KIAA1217: variants seen among roughly 807,000 people sequenced by gnomAD.
KIAA1217 encodes KIAA1217, also known as sickle tail protein homolog.
In KIAA1217, 88 loss-of-function variants were observed where a neutral mutation model predicts 163.9. The observed-to-expected ratio is 0.54, with a 90% CI of 0.45 to 0.64. The LOEUF (loss-of-function observed/expected upper bound fraction) is 0.64, where lower values mean the gene tolerates loss of function less well. Among genes scored for constraint, KIAA1217 ranks in the 30% least tolerant of loss-of-function variants. KIAA1217 has a pLI of 0.00. For synonymous variants in KIAA1217, 903 were observed against 923.1 expected (o/e 0.98, Z 0.39); for missense variants, 2,372 against 2,475.0 (o/e 0.96, Z 0.88).
chr10:24,383,652 A>G (rs2053617241), intron 3 of KIAA1217, among the ~76,000 whole-genome samples: 1 of 152,202 alleles, frequency 6.6e-6, no homozygotes, highest in South Asian at 2.1e-4. Context: ...GCCATTTTTC[A>G]CTACTCCTGG....
intron 1 of KIAA1217, among the ~76,000 whole-genome samples, chr10:23,868,209 C>A (rs1459119906): frequency 6.6e-6 from 1 of 152,004 alleles, no homozygotes; most frequent in East Asian, 1.9e-4. Context: ...CTTTTTACCC[C>A]TTCTCAACCC....
At chr10:24,312,956 G>A (rs200350921) in intron 2 of KIAA1217, among the ~76,000 whole-genome samples, 3 of 152,038 alleles carry the variant, frequency 2.0e-5, no homozygotes, top group Admixed American at 1.3e-4. Context: ...GTATTGGAAG[G>A]CCTTAATACA....
intron 2 of KIAA1217, among the ~76,000 whole-genome samples, chr10:24,243,659 T>TAC (rs5783883): frequency 0.27 from 40,175 of 151,062 alleles, 6,035 homozygotes; most frequent in East Asian, 0.37. Flanking sequence ...TATATATATA[T>TAC]ACACATCTAT....
At chr10:23,789,288 C>CTG (rs946140148) in intron 1 of KIAA1217, among the ~76,000 whole-genome samples, 1 of 152,154 alleles carries the variant, frequency 6.6e-6, no homozygotes, top group Admixed American at 6.5e-5. Flanking sequence ...AAAAAGACTA[C>CTG]TGTGTGAGTA....
intron 2 of KIAA1217, among the ~76,000 whole-genome samples, chr10:24,050,707 C>A (rs866901593): frequency 6.6e-6 from 1 of 152,000 alleles, no homozygotes; most frequent in Admixed American, 6.6e-5. Context: ...GTTACTGTAG[C>A]CTTGTAGTAT....
At chr10:23,783,240 C>T (rs542297761) in intron 1 of KIAA1217, among the ~76,000 whole-genome samples, 79 of 152,240 alleles carry the variant, frequency 5.2e-4, no homozygotes, top group African/African-American at 1.8e-3. Flanking sequence ...AAGTTTACAA[C>T]TTTGCGTTGG....
chr10:24,071,808 T>C (rs1364423832), intron 2 of KIAA1217, among the ~76,000 whole-genome samples: 1 of 151,926 alleles, frequency 6.6e-6, no homozygotes, highest in Non-Finnish European at 1.5e-5. Context: ...AAAAATAAAG[T>C]GAGTGTTGAA....
chr10:23,945,131 A>G (rs1439575022), intron 1 of KIAA1217, among the ~76,000 whole-genome samples: 2 of 152,070 alleles, frequency 1.3e-5, no homozygotes, highest in Non-Finnish European at 2.9e-5. Flanking sequence ...TTTGACAACA[A>G]CACACACACA....
chr10:24,386,550 A>C (rs949513891), intron 3 of KIAA1217, among the ~76,000 whole-genome samples: 2 of 145,204 alleles, frequency 1.4e-5, no homozygotes, highest in Non-Finnish European at 3.0e-5. Context: ...TTGAATATTC[A>C]AAAATAAATC....
At chr10:24,377,179 C>A (rs1471734870) in intron 2 of KIAA1217, among the ~76,000 whole-genome samples, 1 of 152,100 alleles carries the variant, frequency 6.6e-6, no homozygotes, top group Non-Finnish European at 1.5e-5. Flanking sequence ...CAGACCACCC[C>A]CTTCATGCAT....
At chr10:24,172,095 G>A (rs1288624473) in intron 2 of KIAA1217, among the ~76,000 whole-genome samples, 2 of 152,080 alleles carry the variant, frequency 1.3e-5, no homozygotes, top group Non-Finnish European at 2.9e-5. Flanking sequence ...CCCAAACTTT[G>A]GCTATTATAC....
At chr10:24,008,268 A>T (rs1211342549) in intron 2 of KIAA1217, among the ~76,000 whole-genome samples, 1 of 152,128 alleles carries the variant, frequency 6.6e-6, no homozygotes, top group Non-Finnish European at 1.5e-5. Flanking sequence ...TGAGCTGTAT[A>T]AATCAGCACT....
chr10:23,924,983 A>G (rs1277303007), intron 1 of KIAA1217, among the ~76,000 whole-genome samples: 1 of 152,150 alleles, frequency 6.6e-6, no homozygotes, highest in East Asian at 1.9e-4. Context: ...CCAAAATAGC[A>G]TTATTTTGAG....
intron 3 of KIAA1217, among the ~76,000 whole-genome samples, chr10:24,401,425 G>A (rs930564699): frequency 2.0e-5 from 3 of 152,016 alleles, no homozygotes; most frequent in Non-Finnish European, 4.4e-5. Flanking sequence ...AGGTATGCAC[G>A]GCTGGTTCAA....
At chr10:24,283,451 G>A (rs764242487) in intron 2 of KIAA1217, among the ~76,000 whole-genome samples, 21 of 152,238 alleles carry the variant, frequency 1.4e-4, no homozygotes, top group African/African-American at 3.1e-4. Context: ...CAGATCACTT[G>A]AGGTCAGGAG....
chr10:23,922,765 G>C (rs545067502), intron 1 of KIAA1217, among the ~76,000 whole-genome samples: 1 of 152,184 alleles, frequency 6.6e-6, no homozygotes, highest in South Asian at 2.1e-4. Context: ...ATTATAAGGG[G>C]GATGCTTTTA....
chr10:24,473,718 T>C lies in KIAA1217; in HGVS notation c.1337T>C (p.Met446Thr), dbSNP rs753463324. ...CNPSMQAEMHMEQSLYRQKSR... is the reference protein window; with the variant it reads ...CNPSMQAEMHTEQSLYRQKSR... ...CCCTCAATGCAAGCGGAAATGCATA[T>C]GGAACAATCACTGTACAGACAGAAA... Residue 446 changes from methionine to threonine, a missense_variant, in exon 6 of 21, where the codon ATG becomes ACG. Coordinates refer to ENST00000376454, the MANE Select transcript of KIAA1217 (RefSeq NM_019590.5). 3 of 1,613,972 alleles carry C rather than the reference T, an allele frequency of 1.9e-6. No homozygotes were observed. The highest frequency in any genetic ancestry group is 2.5e-6 in the Non-Finnish European group (3 of 1,180,026).
intron 6 of KIAA1217, among the ~76,000 whole-genome samples, chr10:24,486,265 CA>C (rs1264943338): frequency 6.6e-6 from 1 of 152,070 alleles, no homozygotes; most frequent in Non-Finnish European, 1.5e-5. Context: ...AACCTCAGCT[CA>C]GACTTCCCCA....
chr10:23,996,227 G>A (rs1331441908), intron 1 of KIAA1217, among the ~76,000 whole-genome samples: 1 of 152,164 alleles, frequency 6.6e-6, no homozygotes, highest in Non-Finnish European at 1.5e-5. Flanking sequence ...TATTCAGAAA[G>A]CATCTTGCCT....
Sources: allele counts gnomAD v4.1 joint callset (sites outside exome capture counted in the v4.1 genomes callset), GRCh38; gene constraint gnomAD v4.1.1; transcripts MANE v1.5; gene names NCBI Gene and HGNC (gene_info 2026-07-23, HGNC 2026-07-21).